REG1B: variants seen among roughly 807,000 people sequenced by gnomAD.
REG1B encodes the protein regenerating family member 1 beta.
A neutral mutation model predicts 20.4 loss-of-function variants in REG1B; 21 were observed. The observed-to-expected ratio is 1.03, with a 90% CI of 0.73 to 1.48. REG1B has a LOEUF of 1.48. Ranked by LOEUF, REG1B falls within the 40% of genes most tolerant of loss-of-function variation. The probability of loss-of-function intolerance (pLI) is 0.00; values close to 1 mark genes in which losing one functional copy is unlikely to be tolerated. For missense variants in REG1B, 247 were observed against 197.2 expected (o/e 1.25, Z -1.51); for synonymous variants, 82 against 73.4 (o/e 1.12, Z -0.60).
At chr2:79,087,708 G>A (rs551549052) in intron 1 of REG1B, 50 bp from the exon 2 acceptor site, 16 of 1,187,622 alleles carry the variant, frequency 1.3e-5, no homozygotes, top group Non-Finnish European at 1.8e-5. Flanking sequence ...CAGAGCACCT[G>A]TTATCTTTCT....
Position 79,085,195 on chromosome 2 carries a change from A to T in REG1B, c.*21T>A, listed in dbSNP as rs200491048. The T allele has an allele frequency of 2.0e-5, 31 of 1,583,944 alleles. No homozygotes were observed. The highest frequency in any genetic ancestry group is 2.5e-5 in the Non-Finnish European group (29 of 1,152,582). On this transcript the variant is annotated 3_prime_UTR_variant, in exon 6 of 6. Transcript: ENST00000305089. ...ATAGTAATTGCAGGACCAGTTCTAG[A>T]CATCCATTTTTCAGCTTCCTCTAGT...
Position 79,086,927 on chromosome 2 carries a change from T to C in REG1B, c.68A>G (p.Gln23Arg). The C allele has an allele frequency of 6.2e-7, 1 of 1,612,220 alleles. No individual in the cohort carries two copies. The highest frequency in any genetic ancestry group is 1.1e-5 in the South Asian group (1 of 90,996). Reference sequence around the variant, plus strand: ...ATTAGGCAGCTCTGTCTGGGACTCCTGGCCTGGGGAAAAAAAAAAGGAGAT... The same window carrying C: ...ATTAGGCAGCTCTGTCTGGGACTCCCGGCCTGGGGAAAAAAAAAAGGAGAT... ...SLMFLSLSQG[Q>R]ESQTELPNPR... is the part of the protein sequence containing the mutation. The change falls in exon 3 of 6, where the codon CAG (glutamine) becomes CGG (arginine). Residue 23 changes from glutamine (Q) to arginine (R), a missense_variant. Gln to Arg is a conservative substitution (Grantham distance 43). Coordinates refer to ENST00000305089, the MANE Select transcript of REG1B (RefSeq NM_006507.4).
chr2:79,086,984 G>T lies in REG1B; in HGVS notation c.65-54C>A, dbSNP rs1179839714. The T allele has an allele frequency of 3.4e-6, 5 of 1,451,490 alleles. No individual in the cohort carries two copies. The East Asian group carries it at 6.8e-5, about 20-fold the overall frequency. The allele number at this position is 1,451,490 out of a possible 1,614,324, so 89.9% of individuals were successfully genotyped here. ...GAAAGAATCGCAGGGCAAGGAAAAG[G>T]CTGGAAGGTGAATTAGGGGCTTCTT... On this transcript the variant is annotated intron_variant, in intron 2 of 5. Transcript: ENST00000305089.
chr2:79,086,544 G>T lies in REG1B; in HGVS notation c.184-40C>A, dbSNP rs538133337. On this transcript the variant is annotated intron_variant, in intron 3 of 5. Coordinates refer to ENST00000305089, the MANE Select transcript of REG1B (RefSeq NM_006507.4). ...AATGGAGCACTCAGTGGAGAAGGAA[G>T]GTGTGAGGGATATACTGAGACCTTC... is the stretch of plus-strand genomic sequence containing the variant. The T allele has an allele frequency of 1.1e-5, 18 of 1,609,212 alleles. No homozygotes were observed. The South Asian group carries it at 1.8e-4, about 16-fold the overall frequency.
rs1009758087 is a variant in REG1B at position 79,086,357 on chromosome 2, G to T, written c.321+10C>A. 1.3e-5 allele frequency: 21 copies of T among 1,613,762 alleles called. No individual in the cohort carries two copies. Among genetic ancestry groups the T allele is most frequent in the Non-Finnish European group, 1.8e-5 (21 of 1,179,842 alleles). ...TGTTTATAAGGAGATAGAGGTGGCT[G>T]CAGACTGACCTTTTTTGGGTCATGG... On this transcript the variant is annotated intron_variant, in intron 4 of 5. Coordinates refer to ENST00000305089, the MANE Select transcript of REG1B (RefSeq NM_006507.4).
rs1672384423 is a variant in REG1B, at chr2:79,085,494, G to A, written c.431C>T (p.Ser144Leu). ...TGGATAGATTGTCTGCCTCTCACCTGAGCATGAAGTCAGGCTTGCACAGTA... is the reference window on the plus strand; with the variant it reads ...TGGATAGATTGTCTGCCTCTCACCTAAGCATGAAGTCAGGCTTGCACAGTA... Reference protein sequence around the residue: ...AGYCASLTSCSGFKKWKDESC... With the variant: ...AGYCASLTSCLGFKKWKDESC... The change falls in exon 5 of 6, where the codon TCA becomes TTA. Residue 144 changes from serine to leucine, a missense_variant and splice_region_variant. By Grantham distance (145) the Ser-to-Leu change is moderately radical. Transcript: ENST00000305089. The A allele has an allele frequency of 5.6e-6, 9 of 1,611,580 alleles. No homozygotes were observed. The East Asian group carries it at 2.0e-4, about 36-fold the overall frequency.
intron 3 of REG1B, 49 bp from the exon 4 acceptor site, chr2:79,086,553 G>T (rs761527407): frequency 1.2e-6 from 2 of 1,601,658 alleles, no homozygotes; most frequent in Admixed American, 3.4e-5. Context: ...AGGTGTGAGG[G>T]ATATACTGAG....
chr2:79,086,637 T>A, intron 3 of REG1B, 133 bp from the exon 4 acceptor site: 2 of 1,339,308 alleles, frequency 1.5e-6, no homozygotes, highest in Non-Finnish European at 1.1e-6. Flanking sequence ...ACCACCAGCA[T>A]CTCTGTGCTG....
intron 3 of REG1B, 109 bp downstream of exon 3, chr2:79,086,703 A>C: frequency 7.6e-7 from 1 of 1,315,882 alleles, no homozygotes; most frequent in Non-Finnish European, 1.1e-6. Flanking sequence ...CCAGTGGTGG[A>C]ATAGGGAAGG....
Position 79,086,348 on chromosome 2 carries a change from G to T in REG1B, c.321+19C>A. The stretch of plus-strand genomic sequence containing the variant: ...TCTCAAAAATGTTTATAAGGAGATA[G>T]AGGTGGCTGCAGACTGACCTTTTTT... On this transcript the variant is annotated intron_variant, in intron 4 of 5. Transcript: ENST00000305089. 6.2e-7 allele frequency: 1 copy of T among 1,613,774 alleles called. No homozygotes were observed. The highest frequency in any genetic ancestry group is 8.5e-7 in the Non-Finnish European group (1 of 1,179,758).
At chr2:79,087,333 C>T (rs942119159) in intron 2 of REG1B, 1 of 581,926 alleles carries the variant, frequency 1.7e-6, no homozygotes, top group African/African-American at 1.9e-5. Context: ...AACTCAACCA[C>T]AATGGTCACC....
intron 4 of REG1B, chr2:79,085,925 G>C: frequency 3.8e-6 from 1 of 265,676 alleles, no homozygotes; most frequent in Non-Finnish European, 7.2e-6. Flanking sequence ...TGGCTGTAGA[G>C]TAGTCGTTGA....
intron 2 of REG1B, 41 bp downstream of exon 2, chr2:79,087,508 T>A: frequency 6.2e-7 from 1 of 1,600,590 alleles, no homozygotes. Context: ...GAGGGAAGAA[T>A]TCAGAGTTGG....
In REG1B at chr2:79,086,362, C is replaced by A. The variant is rs770296799; in HGVS notation, c.321+5G>T. 1 of 1,614,022 alleles carries A rather than the reference C, an allele frequency of 6.2e-7. No individual in the cohort carries two copies. Among genetic ancestry groups the A allele is most frequent in the South Asian group, 1.1e-5 (1 of 91,078 alleles). ...ATAAGGAGATAGAGGTGGCTGCAGA[C>A]TGACCTTTTTTGGGTCATGGAGGCC... On this transcript the variant is annotated splice_donor_5th_base_variant and intron_variant, in intron 4 of 5. Coordinates refer to ENST00000305089, the MANE Select transcript of REG1B (RefSeq NM_006507.4).
intron 2 of REG1B, chr2:79,087,191 A>C (rs1387831741): frequency 1.9e-6 from 1 of 535,366 alleles, no homozygotes. Context: ...TTCTGCCTTT[A>C]AAGACCCAGG....
chr2:79,086,535 G>A, intron 3 of REG1B, 31 bp from the exon 4 acceptor site: 2 of 1,611,162 alleles, frequency 1.2e-6, no homozygotes, highest in Non-Finnish European at 1.7e-6. Flanking sequence ...GCACTCAGTG[G>A]AGAAGGAAGG....
At chr2:79,085,913 A>C in intron 4 of REG1B, 1 of 270,106 alleles carries the variant, frequency 3.7e-6, no homozygotes, top group Non-Finnish European at 7.1e-6. Flanking sequence ...CCAGCATAAC[A>C]TTGGCTGTAG....
chr2:79,086,946 A>AG lies in REG1B; in HGVS notation c.65-17dup, dbSNP rs1558716081. 6.3e-7 allele frequency: 1 copy of AG among 1,596,272 alleles called. No individual in the cohort carries two copies. The highest frequency in any genetic ancestry group is 1.7e-5 in the Admixed American group (1 of 59,784). On this transcript the variant is annotated splice_polypyrimidine_tract_variant and intron_variant, in intron 2 of 5. Transcript: ENST00000305089. ...GACTCCTGGCCTGGGGAAAAAAAAA[A>AG]GGAGATAATTAAGAAAGAATCGCAG...
intron 1 of REG1B, 96 bp from the exon 2 acceptor site, chr2:79,087,754 AG>A (rs1672421918): frequency 1.4e-6 from 1 of 721,212 alleles, no homozygotes; most frequent in African/African-American, 1.8e-5. Context: ...GTGAGCCGAA[AG>A]GTCCACTGAG....
Sources: gnomAD v4.1 joint callset for allele counts on GRCh38, gnomAD v4.1.1 for gene constraint, MANE v1.5 for transcripts, NCBI Gene and HGNC (gene_info 2026-07-23, HGNC 2026-07-21) for gene names.